Variants in LRP1B observed in about 807,000 individuals in gnomAD.
LRP1B encodes low-density lipoprotein receptor-related protein 1B.
In LRP1B, 217 loss-of-function variants were observed where a neutral mutation model predicts 556.6. The ratio of observed to expected loss-of-function variants is 0.39; its 90% confidence interval spans 0.35 to 0.44. LRP1B has a LOEUF of 0.44. Among genes scored for constraint, LRP1B ranks in the 20% least tolerant of loss-of-function variants. The pLI is 1.00. For missense variants in LRP1B, 5,053 were observed against 5,620.8 expected (o/e 0.90, Z 3.23); for synonymous variants, 2,047 against 1,865.8 (o/e 1.10, Z -2.50).
At chr2:141,414,191 A>T (rs564888461) in intron 3 of LRP1B, among the ~76,000 whole-genome samples, 6 of 144,922 alleles carry the variant, frequency 4.1e-5, no homozygotes, top group Non-Finnish European at 7.6e-5. Context: ...GAGCGGAGAT[A>T]GCGCCACTGC....
intron 3 of LRP1B, chr2:141,286,850 T>C (rs954281988): frequency 7.8e-5 from 26 of 335,364 alleles, no homozygotes; most frequent in Non-Finnish European, 1.5e-4. Flanking sequence ...AATTGAACTT[T>C]CTGTAATAAT....
chr2:141,827,220 C>T (rs1440952606), intron 1 of LRP1B, among the ~76,000 whole-genome samples: 1 of 152,180 alleles, frequency 6.6e-6, no homozygotes, highest in African/African-American at 2.4e-5. Flanking sequence ...GACAGAAGTT[C>T]TTTTGTTGAA....
chr2:140,992,487 A>T (rs1697122560), intron 16 of LRP1B: 2 of 152,120 alleles, frequency 1.3e-5, no homozygotes, highest in African/African-American at 4.8e-5. Flanking sequence ...TCAGGCATTT[A>T]AAGTTGACTA....
chr2:141,423,290 CTTTT>C (rs1176569388), intron 3 of LRP1B, among the ~76,000 whole-genome samples: 36 of 68,382 alleles, frequency 5.3e-4, no homozygotes, highest in Admixed American at 1.9e-3. Context: ...ACAGCCAGAG[CTTTT>C]TTTTTTTTTT....
intron 23 of LRP1B, among the ~76,000 whole-genome samples, chr2:140,894,380 T>C (rs569262873): frequency 1.3e-5 from 2 of 152,248 alleles, no homozygotes; most frequent in African/African-American, 4.8e-5. Flanking sequence ...ATGTATCTCT[T>C]GGCCTGTGCT....
chr2:140,274,701 G>T (rs1477190912), intron 84 of LRP1B, 103 bp from the exon 85 acceptor site: 16 of 890,698 alleles, frequency 1.8e-5, no homozygotes, highest in Non-Finnish European at 2.3e-5. Context: ...AAAATAATAG[G>T]TAGATTAATT....
chr2:140,375,706 T>A (rs922467750), intron 68 of LRP1B, among the ~76,000 whole-genome samples: 2 of 152,124 alleles, frequency 1.3e-5, no homozygotes, highest in African/African-American at 4.8e-5. Context: ...ATTAACAATG[T>A]CTATGGATGC....
chr2:140,500,949 C>T (rs1442272366), intron 55 of LRP1B, among the ~76,000 whole-genome samples: 1 of 151,908 alleles, frequency 6.6e-6, no homozygotes, highest in East Asian at 1.9e-4. Context: ...CTCCATTAAA[C>T]ACACTAATTT....
At chr2:141,109,752 C>A (rs1006679621) in intron 7 of LRP1B, among the ~76,000 whole-genome samples, 6 of 151,924 alleles carry the variant, frequency 3.9e-5, no homozygotes, top group Non-Finnish European at 8.8e-5. Flanking sequence ...AAGCAGGAAG[C>A]TAAGCAGAAG....
chr2:141,829,447 A>T (rs1243888125), intron 1 of LRP1B, among the ~76,000 whole-genome samples: 1 of 152,098 alleles, frequency 6.6e-6, no homozygotes, highest in Non-Finnish European at 1.5e-5. Flanking sequence ...ACAAGGGACA[A>T]ATTTGTGTCT....
At chr2:141,239,635 C>T (rs1683788373) in intron 5 of LRP1B, among the ~76,000 whole-genome samples, 1 of 151,970 alleles carries the variant, frequency 6.6e-6, no homozygotes. Flanking sequence ...AGTTAGTTTT[C>T]TAATTCAAAT....
At chr2:141,482,782 G>A (rs977646519) in intron 2 of LRP1B, among the ~76,000 whole-genome samples, 12 of 151,956 alleles carry the variant, frequency 7.9e-5, no homozygotes, top group African/African-American at 2.4e-4. Flanking sequence ...TTGCATAAAT[G>A]TCCAAGAAAT....
intron 35 of LRP1B, among the ~76,000 whole-genome samples, chr2:140,726,194 T>C (rs780280814): frequency 6.6e-6 from 1 of 152,084 alleles, no homozygotes; most frequent in Non-Finnish European, 1.5e-5. Context: ...TGCTATCCCA[T>C]TTGCTATTAG....
chr2:142,090,896 A>G (rs1706142457), intron 1 of LRP1B, among the ~76,000 whole-genome samples: 1 of 152,170 alleles, frequency 6.6e-6, no homozygotes, highest in South Asian at 2.1e-4. Flanking sequence ...ATGTTAATTC[A>G]TTAAAAATAC....
intron 6 of LRP1B, among the ~76,000 whole-genome samples, chr2:141,228,393 C>G (rs1176543439): frequency 1.3e-5 from 2 of 150,218 alleles, no homozygotes; most frequent in Non-Finnish European, 3.0e-5. Flanking sequence ...GTGTGCATCT[C>G]TGGGTGTGTG....
intron 3 of LRP1B, among the ~76,000 whole-genome samples, chr2:141,376,978 T>C (rs1010946275): frequency 6.6e-6 from 1 of 152,146 alleles, no homozygotes; most frequent in African/African-American, 2.4e-5. Context: ...TTAGATATTC[T>C]AAAGAAGTAT....
chr2:142,127,803 A>T (rs1419977159), intron 1 of LRP1B, among the ~76,000 whole-genome samples: 1 of 152,068 alleles, frequency 6.6e-6, no homozygotes, highest in African/African-American at 2.4e-5. Flanking sequence ...TCCACATTGT[A>T]TCATACTCGA....
intron 14 of LRP1B, 27 bp downstream of exon 14, chr2:141,013,529 G>A (rs1697815309): frequency 6.5e-7 from 1 of 1,545,216 alleles, no homozygotes; most frequent in South Asian, 1.2e-5. Context: ...GTGAATCTCA[G>A]AAGCATTTTA....
At chr2:140,898,039 A>C (rs1442547366) in intron 23 of LRP1B, among the ~76,000 whole-genome samples, 2 of 152,156 alleles carry the variant, frequency 1.3e-5, no homozygotes, top group African/African-American at 4.8e-5. Context: ...GCCATAAAGA[A>C]ATTGAAGATG....
Sources: allele counts gnomAD v4.1 joint callset (sites outside exome capture counted in the v4.1 genomes callset), GRCh38; gene constraint gnomAD v4.1.1; transcripts MANE v1.5; gene names NCBI Gene and HGNC (gene_info 2026-07-23, HGNC 2026-07-21).